The following MFAP5 variants were observed in gnomAD, a reference collection of about 807,000 sequenced individuals.
The protein encoded by MFAP5 is microfibrillar-associated protein 5.
Under a neutral mutation model 30.1 loss-of-function variants are expected in MFAP5, and 19 were observed. The observed-to-expected ratio is 0.63, with a 90% CI of 0.44 to 0.93. The LOEUF is 0.93. Ranked by LOEUF, MFAP5 falls within the 40% of genes least tolerant of loss-of-function variation. The pLI, the probability that MFAP5 is intolerant of heterozygous loss-of-function variation, is 0.00. For missense variants in MFAP5, 210 were observed against 221.3 expected, an observed-to-expected ratio of 0.95 and a Z score of 0.32; for synonymous variants, 92 against 72.9, an observed-to-expected ratio of 1.26 and a Z score of -1.33.
At chr12:8,650,400 C>T in intron 8 of MFAP5, 102 bp downstream of exon 8, 1 of 1,142,974 alleles carries the variant, frequency 8.7e-7, no homozygotes. Flanking sequence ...AAACTTTGGC[C>T]CCATCAAAGT....
intron 6 of MFAP5, among the ~76,000 whole-genome samples, chr12:8,653,192 CAAAAAA>C (rs71451973): frequency 9.0e-6 from 1 of 110,980 alleles, no homozygotes; most frequent in African/African-American, 3.4e-5. Flanking sequence ...GACTCTGTGT[CAAAAAA>C]AAAAAAAAAG....
intron 3 of MFAP5, 151 bp downstream of exon 3, chr12:8,660,712 C>T: frequency 4.7e-6 from 3 of 644,222 alleles, no homozygotes; most frequent in South Asian, 4.5e-5. Context: ...CTATTTCTCA[C>T]ACTTTGGCAA....
At chr12:8,648,304 G>T in intron 9 of MFAP5, 101 bp from the exon 10 acceptor site, 2 of 1,054,508 alleles carry the variant, frequency 1.9e-6, no homozygotes, top group Non-Finnish European at 2.7e-6. Context: ...GTAGTGAAAA[G>T]GTTGGAGAGA....
At chr12:8,661,463 C>T (rs1002610371) in intron 2 of MFAP5, among the ~76,000 whole-genome samples, 1 of 151,472 alleles carries the variant, frequency 6.6e-6, no homozygotes, top group Non-Finnish European at 1.5e-5. Flanking sequence ...TGTGAGTATA[C>T]CTGCATGCAT....
At chr12:8,650,024 T>C (rs1447652678) in intron 8 of MFAP5, among the ~76,000 whole-genome samples, 3 of 152,236 alleles carry the variant, frequency 2.0e-5, no homozygotes, top group Admixed American at 2.0e-4. Context: ...AGCGAGAACA[T>C]ACAATATTTG....
At chr12:8,659,948 C>T (rs1942101307) in intron 3 of MFAP5, among the ~76,000 whole-genome samples, 1 of 152,092 alleles carries the variant, frequency 6.6e-6, no homozygotes, top group African/African-American at 2.4e-5. Context: ...CTCTAACTCT[C>T]CTGGGATGGG....
At chr12:8,649,284 A>T (rs1220485522) in intron 9 of MFAP5, among the ~76,000 whole-genome samples, 1 of 152,090 alleles carries the variant, frequency 6.6e-6, no homozygotes, top group African/African-American at 2.4e-5. Flanking sequence ...TAGGACAGGG[A>T]TCTAGGGGTA....
intron 6 of MFAP5, among the ~76,000 whole-genome samples, chr12:8,652,236 G>C (rs916040808): frequency 1.3e-5 from 2 of 152,056 alleles, no homozygotes; most frequent in African/African-American, 4.8e-5. Context: ...TTTGAGGTCA[G>C]GAGTTTGAGA....
chr12:8,649,779 G>A (rs998333787), intron 8 of MFAP5, among the ~76,000 whole-genome samples: 22 of 152,144 alleles, frequency 1.4e-4, no homozygotes, highest in African/African-American at 3.9e-4. Flanking sequence ...TTACTCTTCT[G>A]TTTTTTAAAT....
intron 3 of MFAP5, among the ~76,000 whole-genome samples, chr12:8,657,126 A>G (rs1942023641): frequency 6.6e-6 from 1 of 152,246 alleles, no homozygotes; most frequent in Non-Finnish European, 1.5e-5. Context: ...GTCATGGTGG[A>G]TACTGTAAAC....
In MFAP5 at chr12:8,650,582, C is replaced by T; in HGVS notation, c.255G>A (p.Trp85Ter). The change falls in exon 8 of 10, where the codon TGG becomes TGA. Residue 85 changes from tryptophan (W) to a stop codon, truncating the protein, a stop_gained. Transcript: ENST00000359478. LOFTEE classifies it high-confidence loss of function. Reference sequence around the variant, plus strand: ...GCCTTGTGCAGGTAAATTTCTCATCCCAGCACTCTGAGGAAGCCCAATACA... The same window carrying T: ...GCCTTGTGCAGGTAAATTTCTCATCTCAGCACTCTGAGGAAGCCCAATACA... The part of the protein sequence containing the change: ...LSEKNTTAEC[W>*]DEKFTCTRLY... The T allele has an allele frequency of 6.2e-7, 1 of 1,613,426 alleles. No homozygotes were observed. Among genetic ancestry groups the T allele is most frequent in the Non-Finnish European group, 8.5e-7 (1 of 1,179,926 alleles).
In MFAP5 at chr12:8,646,378, C is replaced by G. The variant is rs1383936606; in HGVS notation, c.*1713G>C. The G allele has an allele frequency of 6.6e-6, 1 of 152,104 alleles. No homozygotes were observed. Among genetic ancestry groups the G allele is most frequent in the African/African-American group, 2.4e-5 (1 of 41,400 alleles). 9.4% of individuals were successfully genotyped at this position (152,104 alleles called of 1,614,324 possible). On this transcript the variant is annotated 3_prime_UTR_variant, in exon 10 of 10. Coordinates refer to ENST00000359478, the MANE Select transcript of MFAP5 (RefSeq NM_003480.4). The stretch of plus-strand genomic sequence containing the variant: ...TCATATATAACTTGTTGTCTCCTAG[C>G]TCCTATTTGAATTCCATTGGCTTTT...
chr12:8,654,407 A>C (rs755970123), intron 6 of MFAP5, 30 bp downstream of exon 6: 1 of 1,580,744 alleles, frequency 6.3e-7, no homozygotes, highest in African/African-American at 1.3e-5. Flanking sequence ...AATGGCCCTG[A>C]TGACCTGGGG....
intron 3 of MFAP5, among the ~76,000 whole-genome samples, chr12:8,660,087 G>A (rs749598285): frequency 6.6e-6 from 1 of 152,120 alleles, no homozygotes; most frequent in Non-Finnish European, 1.5e-5. Context: ...AGAATGGTGT[G>A]AGCAAAAATT....
chr12:8,656,166 T>C (rs1234376325), intron 3 of MFAP5, among the ~76,000 whole-genome samples: 1 of 151,072 alleles, frequency 6.6e-6, no homozygotes, highest in African/African-American at 2.4e-5. Flanking sequence ...GTTCACATCA[T>C]TCTCCTGCCT....
rs746355340 is a variant in MFAP5, at chr12:8,651,672, A to AT, written c.236dup (p.Asn79LysfsTer9). On this transcript the variant is annotated frameshift_variant, in exon 7 of 10. Transcript: ENST00000359478. LOFTEE classifies it high-confidence loss of function. ...AAGCAACAATCATACCTGCAGTGGT[A>AT]TTTTTTTCACTGAGGGAGGCTGAAA... 33 of 1,613,916 alleles carry AT rather than the reference A, an allele frequency of 2.0e-5. No individual in the cohort carries two copies. In the East Asian group the frequency reaches 3.8e-4, roughly 19 times the overall value.
chr12:8,650,928 G>A (rs1941820160), intron 7 of MFAP5, among the ~76,000 whole-genome samples: 1 of 152,094 alleles, frequency 6.6e-6, no homozygotes, highest in Admixed American at 6.6e-5. Context: ...GCACTTTGCG[G>A]GGACGAGGCG....
rs1941675708 is a variant in MFAP5 at position 8,646,170 on chromosome 12, C to T, written c.*1921G>A. The T allele has an allele frequency of 6.6e-6, 1 of 152,534 alleles. No individual in the cohort carries two copies. Among genetic ancestry groups the T allele is most frequent in the South Asian group, 2.1e-4 (1 of 4,828 alleles). 9.4% of individuals were successfully genotyped at this position (152,534 alleles called of 1,614,324 possible). A position where few individuals can be genotyped will look rare whatever the true frequency, so the allele number is the denominator to read the frequency against. ...CTAAAATATGCATTTAATATGTTGT[C>T]TAAATGAGTACATTTAATTCTAGAG... On this transcript the variant is annotated 3_prime_UTR_variant, in exon 10 of 10. Transcript: ENST00000359478.
At chr12:8,659,175 G>A (rs1441617660) in intron 3 of MFAP5, among the ~76,000 whole-genome samples, 1 of 151,912 alleles carries the variant, frequency 6.6e-6, no homozygotes, top group African/African-American at 2.4e-5. Flanking sequence ...AGTTGTGGTG[G>A]CGCATGCCTA....
Sources: gnomAD v4.1 joint callset for allele counts (sites outside exome capture counted in the v4.1 genomes callset) on GRCh38, gnomAD v4.1.1 for gene constraint, MANE v1.5 for transcripts, NCBI Gene and HGNC (gene_info 2026-07-23, HGNC 2026-07-21) for gene names.